Variants in PLEKHD1 observed in about 807,000 individuals in gnomAD.
The protein encoded by PLEKHD1 is pleckstrin homology domain-containing family D member 1.
PLEKHD1 carries 51 observed loss-of-function variants against 69.2 expected under a neutral mutation model. The ratio of observed to expected loss-of-function variants is 0.74; its 90% confidence interval spans 0.59 to 0.93. The LOEUF (loss-of-function observed/expected upper bound fraction) is 0.93, where lower values mean the gene tolerates loss of function less well. PLEKHD1 is among the 40% of genes least tolerant of loss of function. PLEKHD1 has a pLI of 0.00. For synonymous variants in PLEKHD1, 236 were observed against 244.7 expected (o/e 0.96, Z 0.33); for missense variants, 584 against 641.0 (o/e 0.91, Z 0.96).
intron 6 of PLEKHD1, among the ~76,000 whole-genome samples, chr14:69,518,029 TA>T (rs1594989464): frequency 8.5e-5 from 1 of 11,732 alleles, no homozygotes; most frequent in Non-Finnish European, 3.9e-4. Context: ...TTTATTTATT[TA>T]TTTGTTTGTT....
At chr14:69,479,047 G>A in the PLEKHD1 span, among the ~76,000 whole-genome samples, 1 of 152,182 alleles carries the variant, frequency 6.6e-6, no homozygotes, top group Admixed American at 6.5e-5. Context: ...AGGTTTATTG[G>A]ACTTACAGTT....
At chr14:69,507,152 A>G (rs935903537) in intron 6 of PLEKHD1, among the ~76,000 whole-genome samples, 7 of 152,010 alleles carry the variant, frequency 4.6e-5, no homozygotes, top group Admixed American at 2.0e-4. Flanking sequence ...GGCCTCCCAA[A>G]GTGCTGGGAT....
the PLEKHD1 span, among the ~76,000 whole-genome samples, chr14:69,469,996 A>G: frequency 3.3e-5 from 5 of 151,894 alleles, no homozygotes; most frequent in Non-Finnish European, 7.4e-5. Context: ...TGCTGGGATT[A>G]CAGGCGTGAG....
chr14:69,495,395 CAG>C (rs1882866302), intron 1 of PLEKHD1, among the ~76,000 whole-genome samples: 1 of 152,184 alleles, frequency 6.6e-6, no homozygotes, highest in East Asian at 1.9e-4. Context: ...CAAAGCCTTC[CAG>C]TGGCTGTCTC....
At chr14:69,496,418 C>T (rs924745900) in intron 1 of PLEKHD1, among the ~76,000 whole-genome samples, 11 of 152,180 alleles carry the variant, frequency 7.2e-5, no homozygotes, top group Admixed American at 3.3e-4. Flanking sequence ...GATCAAGTTG[C>T]CCACATGGTC....
Position 69,501,813 on chromosome 14 carries a change from CA to C in PLEKHD1, c.491del (p.Gln164ArgfsTer4). 6.4e-7 allele frequency: 1 copy of C among 1,551,146 alleles called. No homozygotes were observed. Among genetic ancestry groups the C allele is most frequent in the Non-Finnish European group, 8.7e-7 (1 of 1,146,612 alleles). On this transcript the variant is annotated frameshift_variant, in exon 5 of 13. Coordinates refer to ENST00000322564, the MANE Select transcript of PLEKHD1 (RefSeq NM_001161498.2). LOFTEE classifies it high-confidence loss of function. ...AQGLQLAKEKQEYLDKLMEET... is the reference protein window; with the variant it reads ...AQGLQLAKEKXEYLDKLMEET... ...GGGGCTGCAGTTGGCTAAGGAAAAG[CA>C]GGAGTATTTAGGTTGGCTGGAGGGG...
At chr14:69,505,543 G>T (rs983232796) in intron 6 of PLEKHD1, among the ~76,000 whole-genome samples, 1 of 152,188 alleles carries the variant, frequency 6.6e-6, no homozygotes, top group Middle Eastern at 3.2e-3. Context: ...AGGAGACCTG[G>T]ATTGGAGTCT....
intron 6 of PLEKHD1, among the ~76,000 whole-genome samples, chr14:69,520,586 G>A (rs910234908): frequency 4.0e-5 from 6 of 151,726 alleles, no homozygotes; most frequent in Admixed American, 6.6e-5. Flanking sequence ...AAAATTAGCC[G>A]GGTGTGGTGG....
intron 8 of PLEKHD1, 61 bp downstream of exon 8, chr14:69,524,383 C>T: frequency 1.4e-6 from 2 of 1,394,132 alleles, no homozygotes; most frequent in Non-Finnish European, 2.0e-6. Context: ...GACCACATGA[C>T]ACTGTTTTTT....
At position 69,484,766 on chromosome 14, in the gene PLEKHD1, C is replaced by T. The variant is rs745592022; in HGVS notation, c.-200C>T. The T allele has an allele frequency of 8.3e-5, 49 of 589,058 alleles. No homozygotes were observed. Among genetic ancestry groups the T allele is most frequent in the Non-Finnish European group, 1.0e-4 (36 of 351,546 alleles). 36.5% of individuals were successfully genotyped at this position (589,058 alleles called of 1,614,324 possible). On this transcript the variant is annotated 5_prime_UTR_variant, in exon 1 of 13. Transcript: ENST00000322564. ...GGCCCTCTGCAATCCGGAGCCCAAGCCGCCGGCTACGCGCCCTGCGCCCCC... is the reference window on the plus strand; with the variant it reads ...GGCCCTCTGCAATCCGGAGCCCAAGTCGCCGGCTACGCGCCCTGCGCCCCC...
chr14:69,524,308 C>T lies in PLEKHD1; in HGVS notation c.730C>T (p.Gln244Ter). 3.9e-6 allele frequency: 6 copies of T among 1,551,544 alleles called. No homozygotes were observed. The highest frequency in any genetic ancestry group is 5.2e-6 in the Non-Finnish European group (6 of 1,146,920). The part of the protein sequence containing the change: ...KELRHLTESL[Q>*]QTLEELSIEK... ...ACTGAGGCACCTCACGGAGTCCTTGCAGCAGACACTGGAGGTGAGGGGCTG... is the reference window on the plus strand; with the variant it reads ...ACTGAGGCACCTCACGGAGTCCTTGTAGCAGACACTGGAGGTGAGGGGCTG... Residue 244 changes from glutamine to a stop codon, truncating the protein, a stop_gained, in exon 8 of 13, where the codon CAG becomes TAG. Coordinates refer to ENST00000322564, the MANE Select transcript of PLEKHD1 (RefSeq NM_001161498.2). LOFTEE classifies it high-confidence loss of function.
chr14:69,507,259 T>C (rs1883173583), intron 6 of PLEKHD1, among the ~76,000 whole-genome samples: 1 of 152,144 alleles, frequency 6.6e-6, no homozygotes, highest in Admixed American at 6.5e-5. Context: ...AGTCATATGG[T>C]ATGTAGCTTT....
chr14:69,509,399 CT>C (rs1883220851), intron 6 of PLEKHD1, among the ~76,000 whole-genome samples: 1 of 152,060 alleles, frequency 6.6e-6, no homozygotes, highest in Non-Finnish European at 1.5e-5. Flanking sequence ...AAGATCATGC[CT>C]TTTGTGTTAT....
Position 69,522,275 on chromosome 14 carries a change from C to A in PLEKHD1, c.556-8C>A. On this transcript the variant is annotated splice_region_variant and splice_polypyrimidine_tract_variant and intron_variant, in intron 6 of 12. Coordinates refer to ENST00000322564, the MANE Select transcript of PLEKHD1 (RefSeq NM_001161498.2). Reference sequence around the variant, plus strand: ...TGTGACTCTTCTCTTCCTCTCTGGTCTCTTCAGGAGCTTGAGCGCCTTAAC... The same window carrying A: ...TGTGACTCTTCTCTTCCTCTCTGGTATCTTCAGGAGCTTGAGCGCCTTAAC... The A allele has an allele frequency of 1.3e-6, 2 of 1,551,128 alleles. No individual in the cohort carries two copies. The highest frequency in any genetic ancestry group is 1.2e-5 in the South Asian group (1 of 83,990).
chr14:69,479,276 A>C, the PLEKHD1 span, among the ~76,000 whole-genome samples: 1 of 152,184 alleles, frequency 6.6e-6, no homozygotes, highest in African/African-American at 2.4e-5. Context: ...ATGGGAATTC[A>C]ATATAATATT....
chr14:69,497,256 G>A (rs972999632), intron 1 of PLEKHD1, among the ~76,000 whole-genome samples: 2 of 152,198 alleles, frequency 1.3e-5, no homozygotes, highest in African/African-American at 2.4e-5. Flanking sequence ...CTGACTTGCC[G>A]AAGGACCCCC....
chr14:69,506,977 A>G (rs1296139173), intron 6 of PLEKHD1, among the ~76,000 whole-genome samples: 1 of 136,978 alleles, frequency 7.3e-6, no homozygotes, highest in East Asian at 2.1e-4. Flanking sequence ...ATCTCGGCTC[A>G]CTGCAACCTC....
chr14:69,487,969 C>T (rs1017300244), intron 1 of PLEKHD1, among the ~76,000 whole-genome samples: 2 of 152,096 alleles, frequency 1.3e-5, no homozygotes, highest in East Asian at 1.9e-4. Flanking sequence ...TTCCCAAGGC[C>T]GGAACCCCTA....
the PLEKHD1 span, among the ~76,000 whole-genome samples, chr14:69,469,695 A>C: frequency 6.6e-6 from 1 of 151,880 alleles, no homozygotes; most frequent in Non-Finnish European, 1.5e-5. Flanking sequence ...ACTGGTGTGA[A>C]CCACTACTCC....
Sources: allele counts gnomAD v4.1 joint callset (sites outside exome capture counted in the v4.1 genomes callset), GRCh38; gene constraint gnomAD v4.1.1; transcripts MANE v1.5; gene names NCBI Gene and HGNC (gene_info 2026-07-23, HGNC 2026-07-21).